Variants in TAOK1 observed in about 807,000 individuals in gnomAD.
The protein encoded by TAOK1 is TAO kinase 1.
In TAOK1, 21 loss-of-function variants were observed where a neutral mutation model predicts 138.3. The ratio of observed to expected loss-of-function variants is 0.15; its 90% CI spans 0.11 to 0.22. TAOK1 has a LOEUF of 0.22. Among genes scored for constraint, TAOK1 ranks in the 10% least tolerant of loss-of-function variants. The pLI is 1.00. For missense variants in TAOK1, 651 were observed against 1,227.7 expected, an observed-to-expected ratio of 0.53 and a Z score of 7.02; for synonymous variants, 361 against 398.4, an observed-to-expected ratio of 0.91 and a Z score of 1.12.
chr17:29,497,549 C>T (rs2031437615), intron 11 of TAOK1, among the ~76,000 whole-genome samples: 1 of 151,842 alleles, frequency 6.6e-6, no homozygotes, highest in Non-Finnish European at 1.5e-5. Context: ...TGTTAGTGCC[C>T]AGATACTACA....
chr17:29,537,262 A>G (rs1598529875), intron 19 of TAOK1, among the ~76,000 whole-genome samples: 1 of 152,242 alleles, frequency 6.6e-6, no homozygotes, highest in African/African-American at 2.4e-5. Context: ...GCATAAAATC[A>G]GTACTCATTG....
chr17:29,544,152 T>C lies in TAOK1; in HGVS notation c.*1130T>C, dbSNP rs1335312982. On this transcript the variant is annotated 3_prime_UTR_variant, in exon 20 of 20. Transcript: ENST00000261716. Reference sequence around the variant, plus strand: ...TCACACTACATAGACATAATTGTTATCTCCTTTTGGCTTATGTGATTTTCT... The same window carrying C: ...TCACACTACATAGACATAATTGTTACCTCCTTTTGGCTTATGTGATTTTCT... The C allele has an allele frequency of 1.3e-5, 2 of 152,632 alleles. No individual in the cohort carries two copies. Among genetic ancestry groups the C allele is most frequent in the Non-Finnish European group, 2.9e-5 (2 of 68,030 alleles). The allele number at this position is 152,632 out of a possible 1,614,324, so 9.5% of individuals were successfully genotyped here.
intron 17 of TAOK1, among the ~76,000 whole-genome samples, chr17:29,527,519 C>T (rs941219905): frequency 6.6e-6 from 1 of 152,116 alleles, no homozygotes; most frequent in African/African-American, 2.4e-5. Context: ...CTCTTACTAG[C>T]TAGACATTTC....
At chr17:29,417,076 C>G (rs1224412562) in intron 1 of TAOK1, among the ~76,000 whole-genome samples, 1 of 152,086 alleles carries the variant, frequency 6.6e-6, no homozygotes, top group Non-Finnish European at 1.5e-5. Flanking sequence ...TGCAGTGGCA[C>G]TTTCTCGGCT....
rs765001845 is a variant in TAOK1, at chr17:29,498,339, C to T, written c.1021C>T (p.Arg341Trp). The part of the protein sequence containing the change: ...EEEEQDHGVG[R>W]TGTVNSVGSN... ...TTAGGAACAAGATCATGGTGTTGGCCGGACAGGAACAGTTAATAGTGTTGG... is the reference window on the plus strand; with the variant it reads ...TTAGGAACAAGATCATGGTGTTGGCTGGACAGGAACAGTTAATAGTGTTGG... The change falls in exon 12 of 20, where the codon CGG (arginine) becomes TGG (tryptophan). Residue 341 changes from arginine to tryptophan, a missense_variant. By Grantham distance (101) the Arg-to-Trp change is moderately radical (BLOSUM62 -3). Transcript: ENST00000261716. The T allele has an allele frequency of 3.7e-6, 6 of 1,614,100 alleles. No individual in the cohort carries two copies. Among genetic ancestry groups the T allele is most frequent in the Admixed American group, 3.3e-5 (2 of 60,000 alleles).
chr17:29,463,348 TC>T (rs1289014490), intron 2 of TAOK1, among the ~76,000 whole-genome samples: 2 of 152,088 alleles, frequency 1.3e-5, no homozygotes, highest in African/African-American at 4.8e-5. Flanking sequence ...GGCGGGCAGA[TC>T]ACCCAAGGTC....
In TAOK1 at chr17:29,475,778, AT is replaced by A. The variant is rs765959656; in HGVS notation, c.306+10del. The A allele has an allele frequency of 6.9e-6, 11 of 1,600,652 alleles. No individual in the cohort carries two copies. The highest frequency in any genetic ancestry group is 9.4e-6 in the Non-Finnish European group (11 of 1,169,126). ...ACGTGAACACACAGCATGGGTTGGTATTTGTTCTCCCCTTGTTGCAGTTTTA... is the reference window on the plus strand; with the variant it reads ...ACGTGAACACACAGCATGGGTTGGTATTGTTCTCCCCTTGTTGCAGTTTTA... On this transcript the variant is annotated splice_region_variant and intron_variant, in intron 4 of 19. Coordinates refer to ENST00000261716, the MANE Select transcript of TAOK1 (RefSeq NM_020791.4).
chr17:29,395,705 T>G (rs1251613632), intron 1 of TAOK1, among the ~76,000 whole-genome samples: 2 of 150,594 alleles, frequency 1.3e-5, no homozygotes, highest in African/African-American at 4.9e-5. Flanking sequence ...TCGCCCAGGT[T>G]GGAATGCAAT....
chr17:29,409,434 A>G (rs1024661151), intron 1 of TAOK1, among the ~76,000 whole-genome samples: 9 of 147,890 alleles, frequency 6.1e-5, no homozygotes, highest in African/African-American at 2.2e-4. Context: ...TCCCAGGTTC[A>G]TGCCATTCTC....
At chr17:29,489,134 T>C (rs530178747) in intron 8 of TAOK1, among the ~76,000 whole-genome samples, 1 of 152,208 alleles carries the variant, frequency 6.6e-6, no homozygotes, top group Non-Finnish European at 1.5e-5. Context: ...ACAGGAAATA[T>C]ACACTCAAGT....
At chr17:29,441,214 T>G (rs1194651218) in intron 1 of TAOK1, among the ~76,000 whole-genome samples, 6 of 152,176 alleles carry the variant, frequency 3.9e-5, no homozygotes, top group African/African-American at 7.2e-5. Flanking sequence ...AATTCTTATT[T>G]AAATATTTGG....
intron 18 of TAOK1, among the ~76,000 whole-genome samples, chr17:29,531,380 G>A (rs575496004): frequency 6.6e-6 from 1 of 152,174 alleles, no homozygotes; most frequent in African/African-American, 2.4e-5. Context: ...CCGGGTTCAA[G>A]GGGATTCTCC....
intron 12 of TAOK1, 100 bp downstream of exon 12, chr17:29,498,621 C>A: frequency 7.2e-7 from 1 of 1,397,720 alleles, no homozygotes; most frequent in Non-Finnish European, 9.8e-7. Context: ...GGAAGTTTCC[C>A]GAAGTTTGGA....
chr17:29,515,929 GTTTAT>G (rs1290575132), intron 15 of TAOK1, among the ~76,000 whole-genome samples: 2 of 151,892 alleles, frequency 1.3e-5, no homozygotes, highest in Non-Finnish European at 2.9e-5. Flanking sequence ...ACTTTTATTT[GTTTAT>G]TTTAATTTTT....
intron 4 of TAOK1, among the ~76,000 whole-genome samples, chr17:29,476,349 G>T (rs893029869): frequency 1.3e-5 from 2 of 152,106 alleles, no homozygotes; most frequent in Non-Finnish European, 2.9e-5. Flanking sequence ...GATTTGTAGT[G>T]TTTGGTGCAT....
At position 29,547,660 on chromosome 17, in the gene TAOK1, T is replaced by C. The variant is rs1390508089; in HGVS notation, c.*4638T>C. ...CCTTCTCCAAGAGCAATGTCAAAAC[T>C]TGGGCTGTCATCTTTGAGCTGTTTA... On this transcript the variant is annotated 3_prime_UTR_variant, in exon 20 of 20. Coordinates refer to ENST00000261716, the MANE Select transcript of TAOK1 (RefSeq NM_020791.4). 1 of 152,158 alleles carries C rather than the reference T, an allele frequency of 6.6e-6. No individual in the cohort carries two copies. Among genetic ancestry groups the C allele is most frequent in the African/African-American group, 2.4e-5 (1 of 41,464 alleles). The allele number at this position is 152,158 out of a possible 1,614,324, so 9.4% of individuals were successfully genotyped here.
chr17:29,534,108 TC>T lies in TAOK1; in HGVS notation c.2362-9del. On this transcript the variant is annotated splice_polypyrimidine_tract_variant and intron_variant, in intron 18 of 19. Transcript: ENST00000261716. ...TATCTTTTTTTTTTCTCTCTCTCTC[TC>T]TGTCTCAGCTGCGTTTGGATGAAGC... The T allele has an allele frequency of 1.3e-6, 2 of 1,590,236 alleles. No homozygotes were observed. The highest frequency in any genetic ancestry group is 3.6e-5 in the Admixed American group (2 of 54,958).
intron 1 of TAOK1, among the ~76,000 whole-genome samples, chr17:29,422,370 AT>A (rs760670365): frequency 2.2e-3 from 311 of 138,420 alleles, no homozygotes; most frequent in Middle Eastern, 3.9e-3. Context: ...CACCCAGCTA[AT>A]TTTTTTTTTT....
At chr17:29,466,548 CCTAA>C (rs752413136) in intron 2 of TAOK1, among the ~76,000 whole-genome samples, 38 of 152,150 alleles carry the variant, frequency 2.5e-4, no homozygotes, top group Non-Finnish European at 5.0e-4. Flanking sequence ...GCAATTGGTA[CCTAA>C]CTTTCAATTT....
Sources: gnomAD v4.1 joint callset for allele counts (sites outside exome capture counted in the v4.1 genomes callset) on GRCh38, gnomAD v4.1.1 for gene constraint, MANE v1.5 for transcripts, NCBI Gene and HGNC (gene_info 2026-07-23, HGNC 2026-07-21) for gene names.